Variants in C6orf118 observed in about 807,000 individuals in gnomAD.
C6orf118 encodes the protein chromosome 6 open reading frame 118.
A neutral mutation model predicts 50.2 loss-of-function variants in C6orf118; 50 were observed. The ratio of observed to expected loss-of-function variants is 1.00; its 90% confidence interval spans 0.79 to 1.26. The LOEUF is 1.26. Among genes scored for constraint, C6orf118 ranks in the 50% most tolerant of loss-of-function variants. The probability of loss-of-function intolerance (pLI) is 0.00; values close to 1 mark genes in which losing one functional copy is unlikely to be tolerated. For synonymous variants in C6orf118, 239 were observed against 230.9 expected, an observed-to-expected ratio of 1.03 and a Z score of -0.32; for missense variants, 641 against 578.7, an observed-to-expected ratio of 1.11 and a Z score of -1.10.
intron 4 of C6orf118, among the ~76,000 whole-genome samples, chr6:165,299,021 C>T (rs150327703): frequency 6.3e-4 from 96 of 152,270 alleles, no homozygotes; most frequent in African/African-American, 2.2e-3. Context: ...ATGTTTAACC[C>T]GACCCTGGAA....
At chr6:165,302,369 G>A in intron 1 of C6orf118, 73 bp from the exon 2 acceptor site, 1 of 1,535,550 alleles carries the variant, frequency 6.5e-7, no homozygotes, top group African/African-American at 1.4e-5. Flanking sequence ...TGCACTGGCT[G>A]AGAGGCGTAG....
intron 7 of C6orf118, among the ~76,000 whole-genome samples, chr6:165,288,795 G>C (rs552582859): frequency 6.6e-6 from 1 of 152,096 alleles, no homozygotes; most frequent in East Asian, 1.9e-4. Context: ...GAGGGTGAAG[G>C]GAGGTAAAAC....
chr6:165,281,383 C>A, intron 8 of C6orf118: 1 of 512,472 alleles, frequency 2.0e-6, no homozygotes, highest in Non-Finnish European at 2.9e-6. Flanking sequence ...GAGTGTGAAC[C>A]CTTCAAAGGT....
chr6:165,293,044 C>A lies in C6orf118; in HGVS notation c.1120+369G>T, dbSNP rs1780160189. 1.3e-5 allele frequency: 3 copies of A among 228,860 alleles called. No individual in the cohort carries two copies. The Admixed American group carries it at 1.5e-4, about 11-fold the overall frequency. 14.2% of individuals were successfully genotyped at this position (228,860 alleles called of 1,614,324 possible). A position where few individuals can be genotyped will look rare whatever the true frequency, so the allele number is the denominator to read the frequency against. The stretch of plus-strand genomic sequence containing the variant: ...ACAGTCAAAGTTAATGAGCAAGATA[C>A]TTAAACTTATTTTTATCATATAATT... On this transcript the variant is annotated intron_variant, in intron 6 of 8. Transcript: ENST00000230301.
intron 7 of C6orf118, among the ~76,000 whole-genome samples, chr6:165,286,252 C>A (rs992609255): frequency 6.6e-6 from 1 of 152,068 alleles, no homozygotes; most frequent in Non-Finnish European, 1.5e-5. Context: ...CTGAATAGAC[C>A]AATAATGAGT....
At chr6:165,309,093 A>G (rs1780847773) in intron 1 of C6orf118, among the ~76,000 whole-genome samples, 1 of 152,222 alleles carries the variant, frequency 6.6e-6, no homozygotes, top group Non-Finnish European at 1.5e-5. Flanking sequence ...AGGGTCACAG[A>G]GACAAAATAA....
At position 165,299,024 on chromosome 6, in the gene C6orf118, C is replaced by T. The variant is rs118059112; in HGVS notation, c.936+419G>A. On this transcript the variant is annotated intron_variant, in intron 4 of 8. Transcript: ENST00000230301. ...TTGACCAATCACATGTTTAACCCGACCCTGGAAGGGAACACCTGGAACGCT... is the reference window on the plus strand; with the variant it reads ...TTGACCAATCACATGTTTAACCCGATCCTGGAAGGGAACACCTGGAACGCT... Among the ~76,000 whole-genome samples the T allele has an allele frequency of 1.6e-3, 238 of 152,282 alleles. 1 individual carries two copies. The highest frequency in any genetic ancestry group is 2.1e-3 in the Non-Finnish European group (146 of 68,032).
intron 7 of C6orf118, among the ~76,000 whole-genome samples, chr6:165,287,968 A>G (rs1011618857): frequency 4.6e-5 from 7 of 152,216 alleles, no homozygotes; most frequent in Non-Finnish European, 1.0e-4. Context: ...GCACAGCAAA[A>G]GAAACTATCA....
At chr6:165,283,539 C>T (rs1241778723) in intron 7 of C6orf118, among the ~76,000 whole-genome samples, 3 of 152,152 alleles carry the variant, frequency 2.0e-5, no homozygotes, top group South Asian at 4.1e-4. Context: ...CAACAGGGAT[C>T]GCCAGACACC....
At position 165,289,986 on chromosome 6, in the gene C6orf118, CTGAG is replaced by C; in HGVS notation, c.1198_1201del (p.Leu400ValfsTer33). ...CAGAGCTTGTATCTCATCCCACTTA[CTGAG>C]TATTTCACACCTCTTCTTTTCAACC... On this transcript the variant is annotated frameshift_variant, in exon 7 of 9. Coordinates refer to ENST00000230301, the MANE Select transcript of C6orf118 (RefSeq NM_144980.4). LOFTEE classifies it high-confidence loss of function. 3.7e-6 allele frequency: 6 copies of C among 1,611,148 alleles called. No individual in the cohort carries two copies. The highest frequency in any genetic ancestry group is 5.1e-6 in the Non-Finnish European group (6 of 1,178,388).
In C6orf118 at chr6:165,301,989, G is replaced by C. The variant is rs767099501; in HGVS notation, c.333C>G (p.His111Gln). 4 of 1,613,708 alleles carry C rather than the reference G, an allele frequency of 2.5e-6. No individual in the cohort carries two copies. The highest frequency in any genetic ancestry group is 3.4e-6 in the Non-Finnish European group (4 of 1,179,992). ...GGACCAGGGCCGTGTGGATGGTGAAGTGGGCCAGGGCCTCCTTCATCCTCG... is the reference window on the plus strand; with the variant it reads ...GGACCAGGGCCGTGTGGATGGTGAACTGGGCCAGGGCCTCCTTCATCCTCG... ...KVARMKEALA[H>Q]FTIHTALVPS... is the part of the protein sequence containing the mutation. Residue 111 changes from histidine (H) to glutamine (Q), a missense_variant, in exon 2 of 9, where the codon CAC (histidine) becomes CAG (glutamine). By Grantham distance (24) the His-to-Gln change is conservative. Transcript: ENST00000230301.
At chr6:165,284,367 T>C (rs191541094) in intron 7 of C6orf118, among the ~76,000 whole-genome samples, 211 of 152,284 alleles carry the variant, frequency 1.4e-3, no homozygotes, top group African/African-American at 4.7e-3. Context: ...TTGAAAGAGA[T>C]GGGGAGAATG....
At chr6:165,290,892 C>T (rs1040503421) in intron 6 of C6orf118, among the ~76,000 whole-genome samples, 5 of 152,182 alleles carry the variant, frequency 3.3e-5, no homozygotes, top group African/African-American at 1.2e-4. Flanking sequence ...ACTTACAGTT[C>T]CATGTGGCTG....
chr6:165,283,768 GCAA>G (rs1779815700), intron 7 of C6orf118, among the ~76,000 whole-genome samples: 1 of 152,164 alleles, frequency 6.6e-6, no homozygotes, highest in Non-Finnish European at 1.5e-5. Context: ...CAAACAGAAA[GCAA>G]CAACAAGAAA....
At chr6:165,283,226 C>T (rs1189118110) in intron 7 of C6orf118, among the ~76,000 whole-genome samples, 2 of 152,084 alleles carry the variant, frequency 1.3e-5, no homozygotes, top group Non-Finnish European at 2.9e-5. Flanking sequence ...AGATGGCCCA[C>T]CTGGGAGCCG....
At chr6:165,298,374 G>A (rs1306747379) in intron 4 of C6orf118, among the ~76,000 whole-genome samples, 3 of 152,182 alleles carry the variant, frequency 2.0e-5, no homozygotes, top group Non-Finnish European at 4.4e-5. Context: ...CTGTTGGCCC[G>A]TGTGGGGGGA....
intron 1 of C6orf118, 90 bp from the exon 2 acceptor site, chr6:165,302,386 A>C (rs561155): frequency 0.37 from 546,806 of 1,467,078 alleles, 109,115 homozygotes; most frequent in African/African-American, 0.77. Context: ...GTAGCCCCTG[A>C]CCAAAAGAGG....
chr6:165,300,868 T>C (rs1780502982), intron 2 of C6orf118, among the ~76,000 whole-genome samples: 1 of 151,506 alleles, frequency 6.6e-6, no homozygotes, highest in African/African-American at 2.4e-5. Context: ...AGGTGATGCC[T>C]CCAGTCAGCT....
At chr6:165,282,847 G>C (rs1288515155) in intron 7 of C6orf118, among the ~76,000 whole-genome samples, 1 of 151,996 alleles carries the variant, frequency 6.6e-6, no homozygotes, top group African/African-American at 2.4e-5. Flanking sequence ...TCTTAGACTT[G>C]TTTTATCTAA....
Sources: allele counts gnomAD v4.1 joint callset (sites outside exome capture counted in the v4.1 genomes callset), GRCh38; gene constraint gnomAD v4.1.1; transcripts MANE v1.5; gene names NCBI Gene and HGNC (gene_info 2026-07-23, HGNC 2026-07-21).